Variants in CARMIL1 observed in about 807,000 individuals in gnomAD.
The protein encoded by CARMIL1 is F-actin-uncapping protein LRRC16A.
A neutral mutation model predicts 177.1 loss-of-function variants in CARMIL1; 90 were observed. The ratio of observed to expected loss-of-function variants is 0.51; its 90% confidence interval spans 0.43 to 0.61. The LOEUF (loss-of-function observed/expected upper bound fraction) is 0.61. Among genes scored for constraint, CARMIL1 ranks in the 20% least tolerant of loss-of-function variants. CARMIL1 has a pLI of 0.00. For missense variants in CARMIL1, 1,380 were observed against 1,667.0 expected, an observed-to-expected ratio of 0.83 and a Z score of 3.00; for synonymous variants, 577 against 606.2, an observed-to-expected ratio of 0.95 and a Z score of 0.71.
At chr6:25,428,807 C>T (rs1005718128) in intron 4 of CARMIL1, among the ~76,000 whole-genome samples, 1 of 152,124 alleles carries the variant, frequency 6.6e-6, no homozygotes, top group African/African-American at 2.4e-5. Context: ...TTATTTTTTA[C>T]ATTTCAGTTT....
chr6:25,284,042 C>T (rs1262767076), intron 1 of CARMIL1, among the ~76,000 whole-genome samples: 1 of 151,974 alleles, frequency 6.6e-6, no homozygotes, highest in Non-Finnish European at 1.5e-5. Context: ...TTTGTTTTGC[C>T]GTATTCCCCA....
chr6:25,413,112 G>C (rs992267957), intron 2 of CARMIL1, among the ~76,000 whole-genome samples: 1 of 151,714 alleles, frequency 6.6e-6, no homozygotes, highest in Non-Finnish European at 1.5e-5. Context: ...CTCTGCAGTG[G>C]TGATAATGTG....
At chr6:25,301,465 T>C (rs1188831085) in intron 2 of CARMIL1, among the ~76,000 whole-genome samples, 2 of 152,112 alleles carry the variant, frequency 1.3e-5, no homozygotes, top group Non-Finnish European at 2.9e-5. Flanking sequence ...CTCATAGGGG[T>C]TCCTGTTTTG....
intron 2 of CARMIL1, among the ~76,000 whole-genome samples, chr6:25,329,680 G>C (rs1785430803): frequency 6.6e-6 from 1 of 152,158 alleles, no homozygotes; most frequent in African/African-American, 2.4e-5. Flanking sequence ...CAAGAATTCT[G>C]ATTACCTCAT....
At chr6:25,591,946 C>A (rs1337524461) in intron 31 of CARMIL1, among the ~76,000 whole-genome samples, 3 of 151,968 alleles carry the variant, frequency 2.0e-5, no homozygotes, top group African/African-American at 7.3e-5. Flanking sequence ...ACCCCACATC[C>A]CCAGAGAACC....
intron 2 of CARMIL1, among the ~76,000 whole-genome samples, chr6:25,308,075 T>G (rs1383682566): frequency 6.6e-6 from 1 of 152,236 alleles, no homozygotes; most frequent in Non-Finnish European, 1.5e-5. Context: ...TTAGGCTACA[T>G]ATTTCACATG....
At chr6:25,521,761 T>G (rs537228674) in intron 23 of CARMIL1, among the ~76,000 whole-genome samples, 2 of 137,772 alleles carry the variant, frequency 1.5e-5, no homozygotes, top group Admixed American at 7.3e-5. Flanking sequence ...CAGAGCGAGA[T>G]TCCATCTCAA....
chr6:25,411,878 G>T (rs1794934114), intron 2 of CARMIL1, among the ~76,000 whole-genome samples: 1 of 152,130 alleles, frequency 6.6e-6, no homozygotes, highest in Admixed American at 6.5e-5. Flanking sequence ...TTTACCGGGG[G>T]CTTGTCATTC....
At chr6:25,594,709 A>C (rs1814650860) in intron 32 of CARMIL1, among the ~76,000 whole-genome samples, 182 bp downstream of exon 32, 1 of 152,166 alleles carries the variant, frequency 6.6e-6, no homozygotes, top group Middle Eastern at 3.2e-3. Flanking sequence ...TTAGAAATGC[A>C]AACTCTCAAA....
At chr6:25,446,529 G>A (rs1011603114) in intron 5 of CARMIL1, among the ~76,000 whole-genome samples, 3 of 152,120 alleles carry the variant, frequency 2.0e-5, no homozygotes, top group African/African-American at 7.2e-5. Context: ...GCCTTGTTCT[G>A]GATTAGGCTT....
chr6:25,364,572 C>CTTTTTTTTTTTT (rs199573991), intron 2 of CARMIL1, among the ~76,000 whole-genome samples: 7,653 of 149,746 alleles, frequency 0.051, 242 homozygotes, highest in Non-Finnish European at 0.079. Flanking sequence ...TCTTTTTCTT[C>CTTTTTTTTTTTT]TTTTTTTTGA....
chr6:25,354,185 G>A (rs1788354502), intron 2 of CARMIL1, among the ~76,000 whole-genome samples: 1 of 151,898 alleles, frequency 6.6e-6, no homozygotes, highest in Non-Finnish European at 1.5e-5. Context: ...TTTTGGGACA[G>A]TATTTTGTCT....
At chr6:25,459,278 T>TCTTCC (rs1193571469) in intron 8 of CARMIL1, among the ~76,000 whole-genome samples, 1 of 41,980 alleles carries the variant, frequency 2.4e-5, no homozygotes, top group Non-Finnish European at 5.6e-5. Context: ...TTTTTTTTTT[T>TCTTCC]TTAAGACAGG....
At chr6:25,307,028 G>A (rs1423297436) in intron 2 of CARMIL1, among the ~76,000 whole-genome samples, 1 of 151,922 alleles carries the variant, frequency 6.6e-6, no homozygotes, top group African/African-American at 2.4e-5. Context: ...ACAGGCGCCT[G>A]CCACCACGCC....
intron 8 of CARMIL1, among the ~76,000 whole-genome samples, chr6:25,465,071 C>CAAAAAAAAAAAAAAAAAAA (rs558022196): frequency 1.6e-5 from 1 of 62,022 alleles, no homozygotes; most frequent in Admixed American, 1.7e-4. Flanking sequence ...AGAACTAAAG[C>CAAAAAAAAAAAAAAAAAAA]AAAAAAAAAA....
intron 8 of CARMIL1, among the ~76,000 whole-genome samples, chr6:25,465,381 A>G (rs1800508840): frequency 6.6e-6 from 1 of 152,108 alleles, no homozygotes; most frequent in Non-Finnish European, 1.5e-5. Flanking sequence ...TTAGCCAGGC[A>G]TGGTGGCGCG....
At position 25,345,490 on chromosome 6, in the gene CARMIL1, G is replaced by A. The variant is rs374299543; in HGVS notation, c.138+60581G>A. On this transcript the variant is annotated intron_variant, in intron 2 of 36. Transcript: ENST00000329474. The stretch of plus-strand genomic sequence containing the variant: ...CTGCTGGACATCTCTCCTGGGATGC[G>A]TCTAACAGGCATTTCAAAACATAAC... Among the ~76,000 whole-genome samples the A allele has an allele frequency of 1.7e-4, 26 of 152,146 alleles. 1 individual carries two copies. The East Asian group carries it at 1.9e-3, about 11-fold the overall frequency.
At chr6:25,330,918 GGGA>G (rs1785565185) in intron 2 of CARMIL1, among the ~76,000 whole-genome samples, 2 of 148,846 alleles carry the variant, frequency 1.3e-5, no homozygotes, top group African/African-American at 2.5e-5. Flanking sequence ...TTGAGGAGGA[GGGA>G]GGAGAAGGGA....
chr6:25,399,068 A>T (rs1031333492), intron 2 of CARMIL1, among the ~76,000 whole-genome samples: 5 of 152,146 alleles, frequency 3.3e-5, no homozygotes, highest in Admixed American at 3.3e-4. Context: ...TTCCCCGCTC[A>T]CAGATGGTTC....
Sources: allele counts gnomAD v4.1 joint callset (sites outside exome capture counted in the v4.1 genomes callset), GRCh38; gene constraint gnomAD v4.1.1; transcripts MANE v1.5; gene names NCBI Gene and HGNC (gene_info 2026-07-23, HGNC 2026-07-21).